The following FAM169A variants were observed in gnomAD, a reference collection of about 807,000 sequenced individuals.
FAM169A encodes family with sequence similarity 169 member A.
FAM169A carries 24 observed loss-of-function variants against 75.7 expected under a neutral mutation model. The observed-to-expected ratio is 0.32, with a 90% CI of 0.23 to 0.45. FAM169A has a LOEUF of 0.45. Among genes scored for constraint, FAM169A ranks in the 20% least tolerant of loss-of-function variants. FAM169A has a pLI of 1.00. For synonymous variants in FAM169A, 271 were observed against 271.0 expected, an observed-to-expected ratio of 1.00 and a Z score of 0.00; for missense variants, 673 against 784.0, an observed-to-expected ratio of 0.86 and a Z score of 1.69.
At chr5:74,855,182 G>C (rs963963019) in intron 1 of FAM169A, among the ~76,000 whole-genome samples, 14 of 152,112 alleles carry the variant, frequency 9.2e-5, no homozygotes, top group Non-Finnish European at 2.9e-5. Context: ...TCTCACTGTA[G>C]TTTGTTTTTT....
At chr5:74,828,240 G>C (rs1291087801) in intron 5 of FAM169A, among the ~76,000 whole-genome samples, 5 of 151,878 alleles carry the variant, frequency 3.3e-5, no homozygotes, top group African/African-American at 1.2e-4. Flanking sequence ...TTTCATTTTT[G>C]TTGAAAACAA....
chr5:74,800,779 GTA>G, intron 10 of FAM169A, 99 bp downstream of exon 10: 1 of 358,036 alleles, frequency 2.8e-6, no homozygotes, highest in Non-Finnish European at 4.3e-6. Flanking sequence ...ATATAAAATA[GTA>G]TATATTATAT....
intron 1 of FAM169A, among the ~76,000 whole-genome samples, chr5:74,857,829 C>T (rs1467121375): frequency 6.6e-6 from 1 of 152,070 alleles, no homozygotes. Flanking sequence ...GGAGAAACTT[C>T]TCTCTGCCCA....
intron 6 of FAM169A, among the ~76,000 whole-genome samples, chr5:74,810,648 G>T (rs1241429666): frequency 6.6e-6 from 1 of 150,408 alleles, no homozygotes; most frequent in Non-Finnish European, 1.5e-5. Flanking sequence ...TACTCGGGAG[G>T]CTGAGGCAGG....
chr5:74,811,663 T>C (rs1747201584), intron 6 of FAM169A, among the ~76,000 whole-genome samples: 1 of 152,228 alleles, frequency 6.6e-6, no homozygotes, highest in Admixed American at 6.5e-5. Context: ...TCTAGGTTAA[T>C]TACTATCCAG....
intron 1 of FAM169A, among the ~76,000 whole-genome samples, chr5:74,856,662 T>C (rs984807827): frequency 2.6e-5 from 4 of 152,002 alleles, no homozygotes; most frequent in African/African-American, 9.7e-5. Context: ...CCTTGAGATT[T>C]AGATGATACT....
chr5:74,817,579 T>C (rs1747534702), intron 5 of FAM169A, among the ~76,000 whole-genome samples: 1 of 152,142 alleles, frequency 6.6e-6, no homozygotes, highest in Non-Finnish European at 1.5e-5. Flanking sequence ...TCTAAAAACT[T>C]AATATGCTAA....
chr5:74,813,771 G>A (rs758653553), intron 6 of FAM169A, 69 bp downstream of exon 6: 33 of 1,211,118 alleles, frequency 2.7e-5, no homozygotes, highest in Middle Eastern at 2.0e-4. Context: ...CACATTTACC[G>A]TATTTTGAAG....
intron 5 of FAM169A, among the ~76,000 whole-genome samples, chr5:74,830,960 T>C (rs574643288): frequency 1.1e-4 from 16 of 152,326 alleles, no homozygotes; most frequent in Non-Finnish European, 1.8e-4. Flanking sequence ...TTTACTCTTA[T>C]TGAATCTTCT....
At position 74,863,876 on chromosome 5, in the gene FAM169A, G is replaced by GA. The variant is rs1040335406; in HGVS notation, c.-4+2288dup. On this transcript the variant is annotated intron_variant, in intron 1 of 12. Coordinates refer to ENST00000687041, the MANE Select transcript of FAM169A (RefSeq NM_001376049.1). ...TTTGACTCAGCACTGTTATTTGCTA[G>GA]AAAAAAAAAAATCTCATTCCCCATA... Among the ~76,000 whole-genome samples, 140 of 147,534 alleles carry GA rather than the reference G, an allele frequency of 9.5e-4. 1 individual carries two copies. The highest frequency in any genetic ancestry group is 3.5e-3 in the Middle Eastern group (1 of 282).
chr5:74,839,062 T>A lies in FAM169A; in HGVS notation c.233-12A>T. The stretch of plus-strand genomic sequence containing the variant: ...GTAAAGTGCCACAGCTAAAATAGAA[T>A]AAATAATCATTAACACTTGAGTTTT... On this transcript the variant is annotated splice_polypyrimidine_tract_variant and intron_variant, in intron 3 of 12. Transcript: ENST00000687041. 1.9e-6 allele frequency: 3 copies of A among 1,592,784 alleles called. No homozygotes were observed. Among genetic ancestry groups the A allele is most frequent in the South Asian group, 1.1e-5 (1 of 90,688 alleles).
At chr5:74,845,570 C>A (rs1749111479) in intron 1 of FAM169A, among the ~76,000 whole-genome samples, 1 of 151,710 alleles carries the variant, frequency 6.6e-6, no homozygotes, top group South Asian at 2.1e-4. Flanking sequence ...TGGTTGGGAG[C>A]CTAATTTTAT....
At chr5:74,862,187 T>C (rs549543025) in intron 1 of FAM169A, among the ~76,000 whole-genome samples, 1 of 152,240 alleles carries the variant, frequency 6.6e-6, no homozygotes, top group African/African-American at 2.4e-5. Context: ...AAACTGCTAT[T>C]GGAATGCTCT....
At chr5:74,811,990 T>C (rs1470084663) in intron 6 of FAM169A, among the ~76,000 whole-genome samples, 1 of 152,220 alleles carries the variant, frequency 6.6e-6, no homozygotes, top group Non-Finnish European at 1.5e-5. Flanking sequence ...TTAGGTACAG[T>C]ACTCATCCCA....
intron 10 of FAM169A, among the ~76,000 whole-genome samples, chr5:74,796,828 T>C (rs992586831): frequency 6.6e-6 from 1 of 152,218 alleles, no homozygotes; most frequent in African/African-American, 2.4e-5. Flanking sequence ...TTCATAATTA[T>C]GGATACTGGC....
intron 1 of FAM169A, among the ~76,000 whole-genome samples, chr5:74,845,024 T>C (rs988618588): frequency 6.6e-6 from 1 of 152,126 alleles, no homozygotes; most frequent in African/African-American, 2.4e-5. Flanking sequence ...CTCTTTGAAA[T>C]GACCTTCAAA....
intron 1 of FAM169A, among the ~76,000 whole-genome samples, chr5:74,858,693 C>T (rs964606638): frequency 2.6e-5 from 4 of 152,070 alleles, no homozygotes; most frequent in Non-Finnish European, 4.4e-5. Context: ...ACACGCAATT[C>T]GCCCATTTAA....
intron 5 of FAM169A, among the ~76,000 whole-genome samples, chr5:74,824,907 CT>C (rs1322142548): frequency 2.0e-5 from 3 of 151,958 alleles, no homozygotes; most frequent in Non-Finnish European, 4.4e-5. Context: ...GAGAATTTAG[CT>C]CTTAAATACA....
chr5:74,796,324 T>C (rs898672252), intron 10 of FAM169A, 138 bp from the exon 11 acceptor site: 1 of 678,530 alleles, frequency 1.5e-6, no homozygotes, highest in Non-Finnish European at 2.4e-6. Context: ...CTAAAACCAA[T>C]CTCTTCATCC....
Sources: allele counts gnomAD v4.1 joint callset (sites outside exome capture counted in the v4.1 genomes callset), GRCh38; gene constraint gnomAD v4.1.1; transcripts MANE v1.5; gene names NCBI Gene and HGNC (gene_info 2026-07-23, HGNC 2026-07-21).